PLCH2: variants seen among roughly 807,000 people sequenced by gnomAD.
PLCH2 encodes 1-phosphatidylinositol 4,5-bisphosphate phosphodiesterase eta-2.
PLCH2 carries 98 observed loss-of-function variants against 134.7 expected under a neutral mutation model. That is an observed-to-expected ratio of 0.73 (90% CI 0.62 to 0.86). PLCH2 has a LOEUF of 0.86. Ranked by LOEUF, PLCH2 falls within the 40% of genes least tolerant of loss-of-function variation. The pLI, the probability that PLCH2 is intolerant of heterozygous loss-of-function variation, is 0.00. For synonymous variants in PLCH2, 974 were observed against 827.5 expected, an observed-to-expected ratio of 1.18 and a Z score of -3.04; for missense variants, 1,994 against 1,986.6, an observed-to-expected ratio of 1.00 and a Z score of -0.07.
chr1:2,478,886 T>A (rs745988868), intron 2 of PLCH2, among the ~76,000 whole-genome samples: 1 of 151,996 alleles, frequency 6.6e-6, no homozygotes, highest in African/African-American at 2.4e-5. Context: ...AGTGCTGGGC[T>A]GGAAGGAGGG....
Position 2,505,224 on chromosome 1 carries a change from T to C in PLCH2, c.*11T>C. The C allele has an allele frequency of 6.4e-7, 1 of 1,559,266 alleles. No homozygotes were observed. Among genetic ancestry groups the C allele is most frequent in the Non-Finnish European group, 8.6e-7 (1 of 1,161,464 alleles). ...CTGCTCCGCCTCTGACCGTCAGTGG[T>C]GGGAACCTGGGCGGCTCTGGAGGCC... On this transcript the variant is annotated 3_prime_UTR_variant, in exon 22 of 22. Coordinates refer to ENST00000378486, the MANE Select transcript of PLCH2 (RefSeq NM_014638.4).
Position 2,481,003 on chromosome 1 carries a change from C to T in PLCH2, c.645+691C>T, listed in dbSNP as rs191038330. On this transcript the variant is annotated intron_variant, in intron 4 of 21. Transcript: ENST00000378486. ...GTGCCAGGCCCTGGGGTCTCTGACA[C>T]GCACATACACGCACACACACGCACA... 1.3e-4 allele frequency among the ~76,000 whole-genome samples: 20 copies of T among 152,368 alleles called. No homozygotes were observed. In the East Asian group the frequency reaches 2.5e-3, roughly 19 times the overall value.
chr1:2,503,194 G>A (rs1019308208), intron 21 of PLCH2: 1 of 593,530 alleles, frequency 1.7e-6, no homozygotes, highest in African/African-American at 1.8e-5. Context: ...CTGGGGCCGG[G>A]ACTGTGGCCT....
At chr1:2,446,165 G>T (rs535537509) in intron 2 of PLCH2, among the ~76,000 whole-genome samples, 70 of 152,230 alleles carry the variant, frequency 4.6e-4, no homozygotes, top group Non-Finnish European at 9.1e-4. Flanking sequence ...GGAAGGGGTG[G>T]CCATTGGGGG....
At chr1:2,478,825 C>G (rs1209208758) in intron 2 of PLCH2, among the ~76,000 whole-genome samples, 5 of 152,178 alleles carry the variant, frequency 3.3e-5, no homozygotes, top group Non-Finnish European at 5.9e-5. Flanking sequence ...CCTGGCAGAG[C>G]TCCCTGGGAC....
At chr1:2,450,328 G>A (rs573960257) in intron 2 of PLCH2, among the ~76,000 whole-genome samples, 1 of 152,106 alleles carries the variant, frequency 6.6e-6, no homozygotes, top group South Asian at 2.1e-4. Context: ...TCCTCTGGGT[G>A]CCTCGTTAGC....
upstream of PLCH2, among the ~76,000 whole-genome samples, chr1:2,463,545 G>A (rs1640921833): frequency 1.3e-5 from 2 of 152,322 alleles, no homozygotes; most frequent in Middle Eastern, 3.4e-3. Context: ...AGCTGAAACC[G>A]AGGCACCCCA....
intron 2 of PLCH2, among the ~76,000 whole-genome samples, chr1:2,446,086 C>A (rs4582732): frequency 1.3e-5 from 2 of 152,126 alleles, no homozygotes; most frequent in African/African-American, 2.4e-5. Context: ...GCTGCCTGGC[C>A]GGGCTTCCAC....
intron 2 of PLCH2, among the ~76,000 whole-genome samples, chr1:2,443,877 C>T (rs1639810729): frequency 6.6e-6 from 1 of 150,620 alleles, no homozygotes; most frequent in Non-Finnish European, 1.5e-5. Context: ...GCTGACTGCG[C>T]CTCCCGGCCC....
chr1:2,499,844 C>A, intron 20 of PLCH2, 124 bp downstream of exon 20: 1 of 745,842 alleles, frequency 1.3e-6, no homozygotes, highest in Non-Finnish European at 2.3e-6. Context: ...AGGGTCCCCT[C>A]CCCGGGCCTC....
At chr1:2,495,070 G>A (rs1642806782) in intron 12 of PLCH2, 122 bp downstream of exon 12, 6 of 710,970 alleles carry the variant, frequency 8.4e-6, no homozygotes, top group African/African-American at 7.0e-5. Context: ...GCCCCAGTGG[G>A]CCCTGCCCCA....
chr1:2,487,370 G>T lies in PLCH2; in HGVS notation c.1108G>T (p.Val370Leu). 6.2e-7 allele frequency: 1 copy of T among 1,612,304 alleles called. No individual in the cohort carries two copies. The highest frequency in any genetic ancestry group is 8.5e-7 in the Non-Finnish European group (1 of 1,179,146). ...AWVLQAGCRC[V>L]EVDCWDGPDG... ...GGTCCTGCAGGCTGGCTGCCGCTGCGTGGAGGGTAAGCCCTGGACCTTGGG... is the reference window on the plus strand; with the variant it reads ...GGTCCTGCAGGCTGGCTGCCGCTGCTTGGAGGGTAAGCCCTGGACCTTGGG... The change falls in exon 7 of 22, where the codon GTG becomes TTG. Residue 370 changes from valine to leucine, a missense_variant. Around this residue, in one of 2 missense-constraint regions of PLCH2, gnomAD observed 1,094 missense variants for 1,234.3 expected, o/e 0.89. Transcript: ENST00000378486.
chr1:2,452,386 G>A (rs967362531), intron 2 of PLCH2, among the ~76,000 whole-genome samples: 2 of 152,198 alleles, frequency 1.3e-5, no homozygotes, highest in Admixed American at 6.5e-5. Flanking sequence ...AGTGAGCCCC[G>A]TGGAGGGGGG....
In PLCH2 at chr1:2,448,329, C is replaced by T. The variant is rs1640037249; in HGVS notation, c.115+17700C>T. ...GGGGCCGCGCTCCCTCTGCAGGCTCCCCGGGAGGAACTTCCTGGCCTCCTC... is the reference window on the plus strand; with the variant it reads ...GGGGCCGCGCTCCCTCTGCAGGCTCTCCGGGAGGAACTTCCTGGCCTCCTC... On this transcript the variant is annotated intron_variant, in intron 2 of 3. Transcript: ENST00000609981. The surrounding 1 kb of genome is among the most constrained non-coding windows in gnomAD (Gnocchi z 4.0). 6.6e-6 allele frequency among the ~76,000 whole-genome samples: 1 copy of T among 152,108 alleles called. No individual in the cohort carries two copies. The highest frequency in any genetic ancestry group is 1.5e-5 in the Non-Finnish European group (1 of 67,998).
chr1:2,492,006 C>T (rs1364403097), intron 11 of PLCH2, among the ~76,000 whole-genome samples: 1 of 152,214 alleles, frequency 6.6e-6, no homozygotes, highest in East Asian at 1.9e-4. Flanking sequence ...CCTACAGACC[C>T]TCCACAGGGT....
rs1642931318 is a variant in PLCH2 at position 2,497,017 on chromosome 1, G to A, written c.2116+7G>A. 6.2e-7 allele frequency: 1 copy of A among 1,611,358 alleles called. No individual in the cohort carries two copies. Among genetic ancestry groups the A allele is most frequent in the Non-Finnish European group, 8.5e-7 (1 of 1,179,054 alleles). The stretch of plus-strand genomic sequence containing the variant: ...AACGCCGGCTGCCAAATGGGTGGGT[G>A]CGGGCATGGTGCGCTGGGTGTGGTG... On this transcript the variant is annotated splice_region_variant and intron_variant, in intron 15 of 21. Transcript: ENST00000378486.
intron 4 of PLCH2, among the ~76,000 whole-genome samples, chr1:2,483,064 T>C (rs1386649849): frequency 6.6e-6 from 1 of 152,186 alleles, no homozygotes; most frequent in Non-Finnish European, 1.5e-5. Context: ...CAGCGGGGCT[T>C]GTCTGGAAGC....
intron 7 of PLCH2, 59 bp from the exon 8 acceptor site, chr1:2,487,539 C>T: frequency 1.3e-6 from 2 of 1,571,888 alleles, no homozygotes; most frequent in South Asian, 2.4e-5. Flanking sequence ...CGAAGCTCAG[C>T]CTGCCTGGGC....
chr1:2,497,962 T>C, intron 16 of PLCH2: 1 of 297,584 alleles, frequency 3.4e-6, no homozygotes, highest in Non-Finnish European at 6.3e-6. Flanking sequence ...AGGACCTGGG[T>C]CTGGGCTGGG....
Sources: gnomAD v4.1 joint callset for allele counts (sites outside exome capture counted in the v4.1 genomes callset) on GRCh38, gnomAD v4.1.1 for gene constraint, gnomAD v4.1.1 regional missense constraint, Gnocchi (gnomAD v3.1) non-coding constraint, MANE v1.5 for transcripts, NCBI Gene and HGNC (gene_info 2026-07-23, HGNC 2026-07-21) for gene names.